The following KCNIP4 variants were observed in gnomAD, a reference collection of about 807,000 sequenced individuals.
KCNIP4 encodes the protein potassium voltage-gated channel interacting protein 4, also known as Kv channel-interacting protein 4.
In KCNIP4, 12 loss-of-function variants were observed where a neutral mutation model predicts 34.0. That is an observed-to-expected ratio of 0.35 (90% confidence interval 0.23 to 0.57). The LOEUF is 0.57. Among genes scored for constraint, KCNIP4 ranks in the 20% least tolerant of loss-of-function variants. The probability of loss-of-function intolerance (pLI) is 0.83; values close to 1 mark genes in which losing one functional copy is unlikely to be tolerated. For missense variants in KCNIP4, 238 were observed against 311.7 expected, an observed-to-expected ratio of 0.76 and a Z score of 1.78; for synonymous variants, 124 against 102.2, an observed-to-expected ratio of 1.21 and a Z score of -1.29.
intron 1 of KCNIP4, among the ~76,000 whole-genome samples, chr4:21,497,462 C>T (rs958501260): frequency 1.6e-4 from 25 of 152,158 alleles, no homozygotes; most frequent in Non-Finnish European, 2.5e-4. Flanking sequence ...CCCCTCTTCA[C>T]ATGATGAACT....
At chr4:21,776,347 G>A (rs1249354383) in intron 1 of KCNIP4, among the ~76,000 whole-genome samples, 3 of 151,218 alleles carry the variant, frequency 2.0e-5, no homozygotes, top group African/African-American at 7.3e-5. Flanking sequence ...TTTTTTCGAT[G>A]GGAGCCTCCG....
chr4:20,944,546 C>CT, intron 1 of KCNIP4, among the ~76,000 whole-genome samples: 1 of 152,332 alleles, frequency 6.6e-6, no homozygotes, highest in South Asian at 2.1e-4. Context: ...CTTTGTCAGC[C>CT]AGATGGGTTC....
In KCNIP4 at chr4:20,821,713, ATAAG is replaced by A. The variant is rs1299608510; in HGVS notation, c.288+28826_288+28829del. ...CCTCCTCATAGCTTAGCTCCCATTT[ATAAG>A]TGAGAACATACAATATTTGGTTTGC... On this transcript the variant is annotated intron_variant, in intron 3 of 8. Transcript: ENST00000382152. 3.9e-5 allele frequency among the ~76,000 whole-genome samples: 6 copies of A among 152,124 alleles called. No homozygotes were observed. The East Asian group carries it at 1.2e-3, about 29-fold the overall frequency.
chr4:21,350,085 A>G (rs1180213936), intron 1 of KCNIP4, among the ~76,000 whole-genome samples: 3 of 152,080 alleles, frequency 2.0e-5, no homozygotes, highest in Non-Finnish European at 2.9e-5. Context: ...TAATTACTCT[A>G]ATTTATTTAT....
chr4:21,453,225 T>C (rs1299492779), intron 1 of KCNIP4, among the ~76,000 whole-genome samples: 2 of 152,162 alleles, frequency 1.3e-5, no homozygotes, highest in Non-Finnish European at 2.9e-5. Context: ...ATGTTGACAC[T>C]TAATTATCTG....
At chr4:20,775,032 AT>A (rs1394098250) in intron 3 of KCNIP4, among the ~76,000 whole-genome samples, 1 of 152,148 alleles carries the variant, frequency 6.6e-6, no homozygotes, top group Non-Finnish European at 1.5e-5. Context: ...CCAGAGTTGA[AT>A]TTTTACCTCT....
rs138847727 is a variant in KCNIP4, at chr4:20,893,942, G to A, written c.62-11233C>T. 5.3e-5 allele frequency among the ~76,000 whole-genome samples: 8 copies of A among 152,150 alleles called. 1 individual carries two copies. Among genetic ancestry groups the A allele is most frequent in the East Asian group, 1.9e-4 (1 of 5,144 alleles). Reference sequence around the variant, plus strand: ...AAGCTCCATGCTGGAGTACAGTGGTGTGATCTGGGCTCACTGCAACCTCCA... The same window carrying A: ...AAGCTCCATGCTGGAGTACAGTGGTATGATCTGGGCTCACTGCAACCTCCA... On this transcript the variant is annotated intron_variant, in intron 1 of 8. Transcript: ENST00000382152.
intron 1 of KCNIP4, among the ~76,000 whole-genome samples, chr4:21,727,976 T>C (rs751221294): frequency 9.2e-5 from 14 of 152,202 alleles, no homozygotes; most frequent in Non-Finnish European, 1.5e-5. Flanking sequence ...CTTTTTCACA[T>C]AGTATCTAAT....
chr4:21,374,763 C>A (rs962274628), intron 1 of KCNIP4, among the ~76,000 whole-genome samples: 1 of 147,278 alleles, frequency 6.8e-6, no homozygotes, highest in African/African-American at 2.7e-5. Flanking sequence ...CCATGAACTA[C>A]ACTGGTATTA....
chr4:21,588,303 C>T (rs1741812271), intron 1 of KCNIP4, among the ~76,000 whole-genome samples: 1 of 151,960 alleles, frequency 6.6e-6, no homozygotes, highest in Non-Finnish European at 1.5e-5. Context: ...GGGTGCTAGG[C>T]AATTACCAAA....
chr4:21,582,214 C>T (rs1442305174), intron 1 of KCNIP4: 2 of 151,912 alleles, frequency 1.3e-5, no homozygotes, highest in East Asian at 1.9e-4. Flanking sequence ...TTCTTACTTA[C>T]TAGGTAATAT....
At chr4:21,622,147 G>A (rs1577707912) in intron 1 of KCNIP4, among the ~76,000 whole-genome samples, 1 of 152,132 alleles carries the variant, frequency 6.6e-6, no homozygotes, top group East Asian at 1.9e-4. Context: ...GTACCTTTCT[G>A]TCAATCACTG....
rs910501516 is a variant in KCNIP4, at chr4:21,045,617, G to T, written c.62-162908C>A. Among the ~76,000 whole-genome samples, 3 of 152,086 alleles carry T rather than the reference G, an allele frequency of 2.0e-5. No individual in the cohort carries two copies. In the East Asian group the frequency reaches 5.8e-4, roughly 29 times the overall value. ...CTCTTGATCCCACTGAACGTAGATC[G>T]TGTAGAAATTTAGATGAAGGACACA... On this transcript the variant is annotated intron_variant, in intron 1 of 8. Transcript: ENST00000382152.
chr4:21,258,599 C>A (rs993009996), intron 1 of KCNIP4, among the ~76,000 whole-genome samples: 2 of 152,112 alleles, frequency 1.3e-5, no homozygotes, highest in Non-Finnish European at 2.9e-5. Context: ...TGTGGCTACA[C>A]TTCTCATTCT....
chr4:21,585,831 A>G (rs1164557424), intron 1 of KCNIP4, among the ~76,000 whole-genome samples: 1 of 152,070 alleles, frequency 6.6e-6, no homozygotes, highest in Non-Finnish European at 1.5e-5. Flanking sequence ...GGAACAGAGA[A>G]GTATAATTAA....
At chr4:21,527,253 T>C (rs1309209531) in intron 1 of KCNIP4, among the ~76,000 whole-genome samples, 4 of 152,214 alleles carry the variant, frequency 2.6e-5, no homozygotes, top group African/African-American at 9.6e-5. Context: ...GAATAGGACC[T>C]CCTAAGGGAG....
chr4:21,374,824 G>A (rs953461931), intron 1 of KCNIP4, among the ~76,000 whole-genome samples: 1 of 147,576 alleles, frequency 6.8e-6, no homozygotes, highest in Non-Finnish European at 1.5e-5. Context: ...CCTGGGAATG[G>A]AGTGTAGCTT....
chr4:21,723,376 G>A (rs1219357531), intron 1 of KCNIP4, among the ~76,000 whole-genome samples: 1 of 151,980 alleles, frequency 6.6e-6, no homozygotes, highest in Non-Finnish European at 1.5e-5. Context: ...TTTTTTGTGT[G>A]CAGCAACCTC....
chr4:21,391,335 A>G (rs888990543), intron 1 of KCNIP4, among the ~76,000 whole-genome samples: 1 of 142,474 alleles, frequency 7.0e-6, no homozygotes, highest in African/African-American at 3.1e-5. Flanking sequence ...AAAAGGAAAA[A>G]CTTACTAAGC....
Sources: allele counts gnomAD v4.1 joint callset (sites outside exome capture counted in the v4.1 genomes callset), GRCh38; gene constraint gnomAD v4.1.1; transcripts MANE v1.5; gene names NCBI Gene and HGNC (gene_info 2026-07-23, HGNC 2026-07-21).